Variants in USH2A observed in about 807,000 individuals in gnomAD.
USH2A encodes Usher syndrome 2A (autosomal recessive, mild).
A neutral mutation model predicts 538.9 loss-of-function variants in USH2A; 443 were observed. The ratio of observed to expected loss-of-function variants is 0.82; its 90% CI spans 0.76 to 0.89. USH2A has a LOEUF of 0.89. Among genes scored for constraint, USH2A ranks in the 40% least tolerant of loss-of-function variants. The pLI is 0.00. For missense variants in USH2A, 6,633 were observed against 6,324.8 expected (o/e 1.05, Z -1.65); for synonymous variants, 2,413 against 2,273.5 (o/e 1.06, Z -1.75).
rs1483310178 is a variant in USH2A at position 215,693,142 on chromosome 1, A to ACC, written c.12067-12767_12067-12766insGG. ...TATATATATATATATATACACACACACACATATGTATTTTTTTTTGTGGAT... is the reference window on the plus strand; with the variant it reads ...TATATATATATATATATACACACACACCCACATATGTATTTTTTTTTGTGGAT... On this transcript the variant is annotated intron_variant, in intron 61 of 71. Transcript: ENST00000307340. Among the ~76,000 whole-genome samples, 26 of 141,814 alleles carry ACC rather than the reference A, an allele frequency of 1.8e-4. 1 individual carries two copies. Among genetic ancestry groups the ACC allele is most frequent in the Middle Eastern group, 3.7e-3 (1 of 268 alleles). 93.0% of individuals were successfully genotyped at this position (141,814 alleles called of 152,430 possible). A position where few individuals can be genotyped will look rare whatever the true frequency, so the allele number is the denominator to read the frequency against.
At chr1:215,876,249 T>A (rs1332999001) in intron 43 of USH2A, among the ~76,000 whole-genome samples, 1 of 152,156 alleles carries the variant, frequency 6.6e-6, no homozygotes, top group African/African-American at 2.4e-5. Flanking sequence ...TGCTAGTAAT[T>A]GACCAATCTT....
chr1:215,843,451 T>A (rs1318048130), intron 46 of USH2A, among the ~76,000 whole-genome samples: 5 of 152,208 alleles, frequency 3.3e-5, no homozygotes, highest in Non-Finnish European at 7.4e-5. Context: ...TTGTTTTATA[T>A]GCCTTAGTAT....
chr1:215,652,131 A>T (rs1657103737), intron 64 of USH2A, among the ~76,000 whole-genome samples: 1 of 152,246 alleles, frequency 6.6e-6, no homozygotes, highest in African/African-American at 2.4e-5. Context: ...CAGCTTATTT[A>T]GTCCTTCCAA....
At chr1:216,090,808 A>T (rs141194052) in intron 22 of USH2A, among the ~76,000 whole-genome samples, 7 of 152,284 alleles carry the variant, frequency 4.6e-5, no homozygotes, top group African/African-American at 1.7e-4. Context: ...TGGGCGTGAC[A>T]TAAGAAACTG....
chr1:215,849,419 C>T (rs931868230), intron 44 of USH2A, among the ~76,000 whole-genome samples: 6 of 151,932 alleles, frequency 3.9e-5, no homozygotes, highest in Non-Finnish European at 8.8e-5. Flanking sequence ...TTAAAACGTA[C>T]GTTGAAAGCA....
chr1:215,662,525 C>T (rs937293934), intron 64 of USH2A, among the ~76,000 whole-genome samples: 11 of 152,170 alleles, frequency 7.2e-5, no homozygotes, highest in Non-Finnish European at 8.8e-5. Flanking sequence ...AGAGCATGCT[C>T]CTGAATGTGC....
intron 48 of USH2A, among the ~76,000 whole-genome samples, 158 bp from the exon 49 acceptor site, chr1:215,814,062 T>C (rs1434880358): frequency 6.6e-6 from 1 of 151,534 alleles, no homozygotes; most frequent in Non-Finnish European, 1.5e-5. Flanking sequence ...TCCAGGATCA[T>C]TCGAATTTTA....
At chr1:216,334,851 A>G (rs984342042) in intron 4 of USH2A, among the ~76,000 whole-genome samples, 1 of 151,856 alleles carries the variant, frequency 6.6e-6, no homozygotes, top group Admixed American at 6.6e-5. Flanking sequence ...TTTAACAACA[A>G]TAGTGGAGAC....
chr1:216,044,172 AC>A (rs2030416881), intron 32 of USH2A, among the ~76,000 whole-genome samples: 1 of 152,148 alleles, frequency 6.6e-6, no homozygotes, highest in African/African-American at 2.4e-5. Context: ...GATGACACAA[AC>A]AAAAAGCAGC....
Position 216,308,814 on chromosome 1 carries a change from T to A in USH2A, c.1644+13069A>T, listed in dbSNP as rs549706458. On this transcript the variant is annotated intron_variant, in intron 9 of 71. Coordinates refer to ENST00000307340, the MANE Select transcript of USH2A (RefSeq NM_206933.4). ...AGCCTCTTTTTCTTTAATGAAACAG[T>A]AATGTCTGTTTTGCCTAATATTTAT... 9.7e-4 allele frequency among the ~76,000 whole-genome samples: 148 copies of A among 152,302 alleles called. 1 individual carries two copies. The highest frequency in any genetic ancestry group is 3.4e-3 in the African/African-American group (142 of 41,570).
intron 43 of USH2A, among the ~76,000 whole-genome samples, chr1:215,876,952 A>G (rs971833550): frequency 6.6e-6 from 1 of 152,230 alleles, no homozygotes; most frequent in African/African-American, 2.4e-5. Context: ...TGGTGGGTCT[A>G]GAAAAATAAT....
Position 215,724,189 on chromosome 1 carries a change from A to G in USH2A, c.12066+3841T>C, listed in dbSNP as rs541346735. Among the ~76,000 whole-genome samples the G allele has an allele frequency of 5.5e-4, 81 of 148,596 alleles. 1 individual carries two copies. In the South Asian group the frequency reaches 0.016, roughly 30 times the overall value. ...AATAATTTTACACACCATAGAATGT[A>G]ATTATATATATGGATATATATAGAA... On this transcript the variant is annotated intron_variant, in intron 61 of 71. Coordinates refer to ENST00000307340, the MANE Select transcript of USH2A (RefSeq NM_206933.4).
Position 216,325,462 on chromosome 1 carries a change from T to C in USH2A, c.986A>G (p.Asp329Gly). The stretch of plus-strand genomic sequence containing the variant: ...AGGATTCAACCGTGACACTCTATTA[T>C]CAGCTGTGTCTCCTGCATCATTAGG... ...CIPNDAGDTA[D>G]NRVSRLNPEA... Residue 329 changes from aspartate to glycine, a missense_variant, in exon 6 of 72, where the codon GAT becomes GGT. By Grantham distance (94) the Asp-to-Gly change is moderately conservative (BLOSUM62 -1). Coordinates refer to ENST00000307340, the MANE Select transcript of USH2A (RefSeq NM_206933.4). The C allele has an allele frequency of 6.2e-7, 1 of 1,613,942 alleles. No individual in the cohort carries two copies. Among genetic ancestry groups the C allele is most frequent in the Non-Finnish European group, 8.5e-7 (1 of 1,179,934 alleles).
chr1:216,406,956 C>T (rs1558074794), intron 3 of USH2A, among the ~76,000 whole-genome samples: 1 of 152,288 alleles, frequency 6.6e-6, no homozygotes, highest in South Asian at 2.1e-4. Context: ...ACCTCTACCA[C>T]AGTGAAATTG....
chr1:215,941,772 A>G lies in USH2A; in HGVS notation c.7121-6977T>C, dbSNP rs535941379. Among the ~76,000 whole-genome samples the G allele has an allele frequency of 7.2e-5, 11 of 152,246 alleles. No homozygotes were observed. In the East Asian group the frequency reaches 1.2e-3, roughly 16 times the overall value. ...AATGACATGTTTAACATTTTCTTCT[A>G]ATTACTGGAAGATATATACTTGAGA... On this transcript the variant is annotated intron_variant, in intron 37 of 71. Coordinates refer to ENST00000307340, the MANE Select transcript of USH2A (RefSeq NM_206933.4).
intron 3 of USH2A, among the ~76,000 whole-genome samples, chr1:216,392,043 C>T (rs1418837860): frequency 1.3e-5 from 2 of 152,142 alleles, no homozygotes; most frequent in African/African-American, 4.8e-5. Flanking sequence ...CAGTAAAGAG[C>T]CAATAGACCT....
At chr1:216,120,219 C>A (rs1250416701) in intron 21 of USH2A, among the ~76,000 whole-genome samples, 6 of 100,024 alleles carry the variant, frequency 6.0e-5, no homozygotes, top group East Asian at 4.6e-4. Context: ...TACTAAATAG[C>A]AAAAAAAAAA....
intron 56 of USH2A, among the ~76,000 whole-genome samples, chr1:215,760,687 CA>C (rs1207414339): frequency 1.8e-4 from 27 of 152,150 alleles, no homozygotes; most frequent in Admixed American, 1.8e-3. Context: ...ACAAAACACA[CA>C]AAAATAATGA....
intron 44 of USH2A, among the ~76,000 whole-genome samples, chr1:215,847,111 C>G (rs553653691): frequency 1.1e-3 from 175 of 152,246 alleles, no homozygotes; most frequent in South Asian, 7.5e-3. Flanking sequence ...ATTATTTTTT[C>G]TCCTCTTCCT....
Sources: allele counts gnomAD v4.1 joint callset (sites outside exome capture counted in the v4.1 genomes callset), GRCh38; gene constraint gnomAD v4.1.1; transcripts MANE v1.5; gene names NCBI Gene and HGNC (gene_info 2026-07-23, HGNC 2026-07-21).